The following CDH7 variants were observed in gnomAD, a reference collection of about 807,000 sequenced individuals.
CDH7 encodes cadherin 7, also known as cadherin-7.
In CDH7, 25 loss-of-function variants were observed where a neutral mutation model predicts 71.8. The ratio of observed to expected loss-of-function variants is 0.35; its 90% confidence interval spans 0.25 to 0.49. The LOEUF (loss-of-function observed/expected upper bound fraction) is 0.49. CDH7 is among the 20% of genes least tolerant of loss of function. The probability of loss-of-function intolerance (pLI) is 0.99; values close to 1 mark genes in which losing one functional copy is unlikely to be tolerated. For synonymous variants in CDH7, 381 were observed against 363.8 expected (o/e 1.05, Z -0.54); for missense variants, 862 against 974.6 (o/e 0.88, Z 1.54).
chr18:65,857,369 C>G (rs1244354546), intron 7 of CDH7, among the ~76,000 whole-genome samples: 3 of 147,906 alleles, frequency 2.0e-5, no homozygotes, highest in Non-Finnish European at 4.5e-5. Flanking sequence ...AATAAAATAG[C>G]CAAATATGGT....
intron 2 of CDH7, among the ~76,000 whole-genome samples, chr18:65,767,862 T>C (rs569084304): frequency 6.6e-6 from 1 of 152,240 alleles, no homozygotes; most frequent in African/African-American, 2.4e-5. Flanking sequence ...CTTACCATTT[T>C]GTAAATAACA....
chr18:65,825,812 G>A (rs28733284), intron 6 of CDH7, among the ~76,000 whole-genome samples: 11,237 of 151,814 alleles, frequency 0.074, 649 homozygotes, highest in African/African-American at 0.15. Flanking sequence ...AGCTAAGCTG[G>A]TGACAATCTG....
intron 2 of CDH7, among the ~76,000 whole-genome samples, chr18:65,763,596 T>G (rs1362349456): frequency 1.6e-4 from 8 of 48,768 alleles, no homozygotes; most frequent in Non-Finnish European, 1.8e-4. Flanking sequence ...GATAGGGGGG[T>G]GTGTGTGTGT....
At position 65,824,846 on chromosome 18, in the gene CDH7, A is replaced by T; in HGVS notation, c.981+15A>T. The T allele has an allele frequency of 6.5e-7, 1 of 1,547,056 alleles. No individual in the cohort carries two copies. Reference sequence around the variant, plus strand: ...CTATACAGAAGGTAATGTTTTCTTTATTTATCTTTTATCACAGATTACTGA... The same window carrying T: ...CTATACAGAAGGTAATGTTTTCTTTTTTTATCTTTTATCACAGATTACTGA... On this transcript the variant is annotated intron_variant, in intron 6 of 11. Transcript: ENST00000397968.
At chr18:65,757,062 T>C in intron 1 of CDH7, among the ~76,000 whole-genome samples, 1 of 150,568 alleles carries the variant, frequency 6.6e-6, no homozygotes, top group East Asian at 2.0e-4. Context: ...TTTTTTTGCA[T>C]GAAAGGACCT....
chr18:65,775,075 A>G (rs1909886927), intron 2 of CDH7, among the ~76,000 whole-genome samples: 1 of 152,164 alleles, frequency 6.6e-6, no homozygotes, highest in South Asian at 2.1e-4. Context: ...AGATGGAAAG[A>G]TGGAAGCTTT....
intron 2 of CDH7, chr18:65,803,222 G>A (rs1911189122): frequency 6.6e-6 from 1 of 152,040 alleles, no homozygotes; most frequent in Non-Finnish European, 1.5e-5. Flanking sequence ...TCTTTGCATT[G>A]ACCTTCCAAT....
chr18:65,768,727 G>T (rs764859640), intron 2 of CDH7, among the ~76,000 whole-genome samples: 3 of 152,158 alleles, frequency 2.0e-5, no homozygotes, highest in African/African-American at 7.2e-5. Context: ...CAGTCACTGA[G>T]ACTTTGCTGG....
chr18:65,775,880 A>G (rs1273298532), intron 2 of CDH7, among the ~76,000 whole-genome samples: 3 of 152,188 alleles, frequency 2.0e-5, no homozygotes, highest in Non-Finnish European at 4.4e-5. Flanking sequence ...TCGTCTATCA[A>G]AAAGGGACTG....
intron 1 of CDH7, among the ~76,000 whole-genome samples, chr18:65,755,308 G>C (rs1598980858): frequency 6.6e-6 from 1 of 152,280 alleles, no homozygotes; most frequent in East Asian, 1.9e-4. Flanking sequence ...AGTAAAGCAA[G>C]GGCTACCTTG....
chr18:65,846,306 A>C (rs887891477), intron 7 of CDH7, among the ~76,000 whole-genome samples: 6 of 152,012 alleles, frequency 3.9e-5, no homozygotes, highest in Admixed American at 2.0e-4. Context: ...AAGAGTACCC[A>C]CCCAGCACCA....
At chr18:65,814,427 T>A in intron 3 of CDH7, 58 bp from the exon 4 acceptor site, 1 of 1,592,530 alleles carries the variant, frequency 6.3e-7, no homozygotes, top group Non-Finnish European at 8.6e-7. Flanking sequence ...TTTTGTACGT[T>A]TTTTGTTTTG....
Position 65,822,237 on chromosome 18 carries a change from G to T in CDH7, c.782G>T (p.Arg261Leu). Residue 261 changes from arginine to leucine, a missense_variant, in exon 5 of 12, where the codon CGC (arginine) becomes CTC (leucine). Transcript: ENST00000397968. ...ACTGATGTCAACGATAATCCACCTCGCTTTCCTCGAAGTAAGTTGTTTTCT... is the reference window on the plus strand; with the variant it reads ...ACTGATGTCAACGATAATCCACCTCTCTTTCCTCGAAGTAAGTTGTTTTCT... Reference protein sequence around the residue: ...TLTDVNDNPPRFPRRSYQYNV... With the variant: ...TLTDVNDNPPLFPRRSYQYNV... 1 of 1,606,876 alleles carries T rather than the reference G, an allele frequency of 6.2e-7. No homozygotes were observed. Among genetic ancestry groups the T allele is most frequent in the Non-Finnish European group, 8.5e-7 (1 of 1,174,536 alleles).
chr18:65,860,242 C>T (rs910825988), intron 10 of CDH7, among the ~76,000 whole-genome samples: 6 of 151,940 alleles, frequency 3.9e-5, no homozygotes, highest in Non-Finnish European at 5.9e-5. Flanking sequence ...TTAATGTTTT[C>T]GATAATACCC....
At chr18:65,877,316 T>C (rs1350133657) in intron 11 of CDH7, among the ~76,000 whole-genome samples, 2 of 152,064 alleles carry the variant, frequency 1.3e-5, no homozygotes, top group Non-Finnish European at 2.9e-5. Flanking sequence ...TTTACTTTGA[T>C]TGAAGACCTG....
At chr18:65,780,927 T>G (rs1379993426) in intron 2 of CDH7, among the ~76,000 whole-genome samples, 5 of 151,534 alleles carry the variant, frequency 3.3e-5, no homozygotes, top group African/African-American at 4.8e-5. Flanking sequence ...TGTTTTTTTT[T>G]TTTTTTTTTT....
intron 6 of CDH7, among the ~76,000 whole-genome samples, chr18:65,839,225 A>G (rs571745246): frequency 3.9e-5 from 6 of 152,336 alleles, no homozygotes; most frequent in East Asian, 1.9e-4. Flanking sequence ...TTGGGCTACT[A>G]TAACAGAAAT....
chr18:65,795,967 T>C (rs983728097), intron 2 of CDH7, among the ~76,000 whole-genome samples: 33 of 152,166 alleles, frequency 2.2e-4, no homozygotes, highest in African/African-American at 7.2e-4. Flanking sequence ...AGAGGTACCT[T>C]CCACCATGAT....
Position 65,880,875 on chromosome 18 carries a change from A to T in CDH7, c.2339A>T (p.Gln780Leu), listed in dbSNP as rs747343324. 1.9e-6 allele frequency: 3 copies of T among 1,611,780 alleles called. No individual in the cohort carries two copies. The African/African-American group carries it at 4.0e-5, about 22-fold the overall frequency. The change falls in exon 12 of 12, where the codon CAA becomes CTA. Residue 780 changes from glutamine to leucine, a missense_variant. Transcript: ENST00000397968. The stretch of plus-strand genomic sequence containing the variant: ...CTCGCGGACATGTATGGGACTGGCC[A>T]AGAGAGTTTGTACTCATAGCCTTGG... ...KRLADMYGTGQESLYS is the reference protein window; with the variant it reads ...KRLADMYGTGLESLYS
Sources: gnomAD v4.1 joint callset for allele counts (sites outside exome capture counted in the v4.1 genomes callset) on GRCh38, gnomAD v4.1.1 for gene constraint, MANE v1.5 for transcripts, NCBI Gene and HGNC (gene_info 2026-07-23, HGNC 2026-07-21) for gene names.